The following LTBP1 variants were observed in gnomAD, a reference collection of about 807,000 sequenced individuals.
LTBP1 encodes latent transforming growth factor beta binding protein 1, also known as latent-transforming growth factor beta-binding protein 1.
A neutral mutation model predicts 207.6 loss-of-function variants in LTBP1; 129 were observed. The observed-to-expected ratio is 0.62, with a 90% CI of 0.54 to 0.72. The LOEUF is 0.72. Among genes scored for constraint, LTBP1 ranks in the 30% least tolerant of loss-of-function variants. The pLI, the probability that LTBP1 is intolerant of heterozygous loss-of-function variation, is 0.00. For missense variants in LTBP1, 2,281 were observed against 2,217.2 expected, an observed-to-expected ratio of 1.03 and a Z score of -0.58; for synonymous variants, 963 against 833.7, an observed-to-expected ratio of 1.16 and a Z score of -2.67.
chr2:33,219,736 A>G (rs1014910422), intron 8 of LTBP1, among the ~76,000 whole-genome samples: 3 of 151,512 alleles, frequency 2.0e-5, no homozygotes, highest in African/African-American at 4.9e-5. Context: ...TTTCTTTTTC[A>G]TTTTCATTTA....
At chr2:33,042,717 T>C (rs1306732907) in intron 3 of LTBP1, among the ~76,000 whole-genome samples, 4 of 152,252 alleles carry the variant, frequency 2.6e-5, no homozygotes, top group African/African-American at 9.6e-5. Context: ...CAGACTGATC[T>C]AAGCAGATAC....
Sources: allele counts gnomAD v4.1 joint callset (sites outside exome capture counted in the v4.1 genomes callset), GRCh38; gene constraint gnomAD v4.1.1; transcripts MANE v1.5; gene names NCBI Gene and HGNC (gene_info 2026-07-23, HGNC 2026-07-21).